DTL: variants seen among roughly 807,000 people sequenced by gnomAD.
The protein encoded by DTL is denticleless E3 ubiquitin protein ligase adapter.
A neutral mutation model predicts 87.0 loss-of-function variants in DTL; 46 were observed. That is an observed-to-expected ratio of 0.53 (90% CI 0.42 to 0.68). The LOEUF (loss-of-function observed/expected upper bound fraction) is 0.68. DTL is among the 30% of genes least tolerant of loss of function. The pLI is 0.00. For synonymous variants in DTL, 308 were observed against 311.2 expected, an observed-to-expected ratio of 0.99 and a Z score of 0.11; for missense variants, 737 against 869.4, an observed-to-expected ratio of 0.85 and a Z score of 1.91.
intron 13 of DTL, among the ~76,000 whole-genome samples, chr1:212,097,407 G>A (rs1244173648): frequency 3.9e-5 from 6 of 152,096 alleles, no homozygotes. Flanking sequence ...AGCAAGGCCA[G>A]AGAAGTTTTT....
In DTL at chr1:212,070,114, A is replaced by G. The variant is rs569719836; in HGVS notation, c.922+1411A>G. ...TTTTCAACATCTTTCCTTGAAAGAT[A>G]AAGCGTGATCCTGATTATATTATCA... On this transcript the variant is annotated intron_variant, in intron 10 of 14. Transcript: ENST00000366991. Among the ~76,000 whole-genome samples, 6 of 152,346 alleles carry G rather than the reference A, an allele frequency of 3.9e-5. No individual in the cohort carries two copies. In the South Asian group the frequency reaches 1.2e-3, roughly 32 times the overall value.
chr1:212,103,126 G>GTA lies in DTL; in HGVS notation c.*190_*191dup, dbSNP rs1333769385. On this transcript the variant is annotated 3_prime_UTR_variant, in exon 15 of 15. Transcript: ENST00000366991. ...CCTAATCTGGTTCTACTACCATAAT[G>GTA]TATATGCAGCTTCCCGAGGATGAAT... 1.3e-5 allele frequency: 5 copies of GTA among 398,060 alleles called. No homozygotes were observed. Among genetic ancestry groups the GTA allele is most frequent in the Non-Finnish European group, 2.2e-5 (5 of 223,430 alleles). 24.7% of individuals were successfully genotyped at this position (398,060 alleles called of 1,614,324 possible). A position where few individuals can be genotyped will look rare whatever the true frequency, so the allele number is the denominator to read the frequency against.
At position 212,094,973 on chromosome 1, in the gene DTL, G is replaced by C. The variant is rs1311841835; in HGVS notation, c.1262-5279G>C. Reference sequence around the variant, plus strand: ...GAAACCTAACAGAATTCATTTATCAGATCTAGGAGCTTTTTGGATGAGTTT... The same window carrying C: ...GAAACCTAACAGAATTCATTTATCACATCTAGGAGCTTTTTGGATGAGTTT... On this transcript the variant is annotated intron_variant, in intron 13 of 14. Transcript: ENST00000366991. Among the ~76,000 whole-genome samples, 3 of 152,150 alleles carry C rather than the reference G, an allele frequency of 2.0e-5. No homozygotes were observed. In the East Asian group the frequency reaches 5.8e-4, roughly 29 times the overall value.
intron 5 of DTL, among the ~76,000 whole-genome samples, chr1:212,059,465 T>A (rs1668274111): frequency 6.6e-6 from 1 of 151,462 alleles, no homozygotes; most frequent in African/African-American, 2.4e-5. Flanking sequence ...TCGATAAAAT[T>A]CAGCATCTCC....
At chr1:212,090,449 T>C (rs1306924746) in intron 13 of DTL, among the ~76,000 whole-genome samples, 1 of 147,330 alleles carries the variant, frequency 6.8e-6, no homozygotes, top group Non-Finnish European at 1.5e-5. Context: ...TTAAAAATTA[T>C]AGTTAACAAT....
chr1:212,082,115 T>A (rs1212566329), intron 13 of DTL, among the ~76,000 whole-genome samples: 1 of 151,904 alleles, frequency 6.6e-6, no homozygotes, highest in Non-Finnish European at 1.5e-5. Context: ...ACTGGGAGAG[T>A]GTTACATCCT....
At chr1:212,099,099 T>A (rs1386323794) in intron 13 of DTL, among the ~76,000 whole-genome samples, 1 of 152,224 alleles carries the variant, frequency 6.6e-6, no homozygotes, top group Non-Finnish European at 1.5e-5. Context: ...CTCTTCCTGC[T>A]GCTGCTTCTA....
chr1:212,037,441 A>G (rs1667516996), intron 1 of DTL, among the ~76,000 whole-genome samples: 2 of 152,188 alleles, frequency 1.3e-5, no homozygotes, highest in South Asian at 4.1e-4. Flanking sequence ...CCACTTCTAC[A>G]TACATACAAC....
At chr1:212,070,051 T>C (rs2102555748) in intron 10 of DTL, among the ~76,000 whole-genome samples, 1 of 152,322 alleles carries the variant, frequency 6.6e-6, no homozygotes, top group South Asian at 2.1e-4. Flanking sequence ...AATCTGAGCT[T>C]GGAGAGCTGC....
In DTL at chr1:212,043,119, G is replaced by T; in HGVS notation, c.178+1G>T. 1 of 1,609,784 alleles carries T rather than the reference G, an allele frequency of 6.2e-7. No individual in the cohort carries two copies. ...CCTTTTGGATGTACCTTCTCTTCTG[G>T]TAAGAGAATTACTATCTAGGCAAGG... On this transcript the variant is annotated splice_donor_variant, in intron 2 of 14. Transcript: ENST00000366991. LOFTEE classifies it high-confidence loss of function.
intron 11 of DTL, 146 bp from the exon 12 acceptor site, chr1:212,078,025 GTT>G (rs5780675): frequency 1.8e-5 from 7 of 395,614 alleles, no homozygotes; most frequent in East Asian, 4.3e-5. Flanking sequence ...GAAATCTGTT[GTT>G]TTTTTTTTCC....
At chr1:212,071,461 A>G (rs1475921747) in intron 10 of DTL, among the ~76,000 whole-genome samples, 3 of 152,188 alleles carry the variant, frequency 2.0e-5, no homozygotes, top group Non-Finnish European at 4.4e-5. Context: ...AGTGCCTTAC[A>G]TATAAACAGT....
At chr1:212,036,757 A>G (rs2102519258) in intron 1 of DTL, among the ~76,000 whole-genome samples, 1 of 152,362 alleles carries the variant, frequency 6.6e-6, no homozygotes, top group South Asian at 2.1e-4. Flanking sequence ...GGTAAGTTTC[A>G]GATAAGGGAG....
chr1:212,068,758 TG>T, intron 10 of DTL, 55 bp downstream of exon 10: 2 of 1,161,302 alleles, frequency 1.7e-6, no homozygotes. Flanking sequence ...GGGCTTTTTT[TG>T]GTAATGATAA....
chr1:212,037,275 A>G (rs1189109985), intron 1 of DTL, among the ~76,000 whole-genome samples: 2 of 152,112 alleles, frequency 1.3e-5, no homozygotes, highest in Non-Finnish European at 2.9e-5. Context: ...TCAAGTACTC[A>G]TTCGTTGTTA....
In DTL at chr1:212,035,936, A is replaced by G; in HGVS notation, c.46A>G (p.Arg16Gly). The change falls in exon 1 of 15, where the codon AGA becomes GGA. Residue 16 changes from arginine (R) to glycine (G), a missense_variant. Physicochemically the swap from Arg to Gly is moderately radical, Grantham distance 125 (BLOSUM62 -2). Transcript: ENST00000366991. ...VLRQPQLGVL[R>G]NGWSSQYPLQ... is the part of the protein sequence containing the mutation. ...CCGCCAGCCCCAGCTTGGCGTCCTGAGAAATGGTGAGTAACGGTCCCAACC... is the reference window on the plus strand; with the variant it reads ...CCGCCAGCCCCAGCTTGGCGTCCTGGGAAATGGTGAGTAACGGTCCCAACC... 1 of 1,614,130 alleles carries G rather than the reference A, an allele frequency of 6.2e-7. No individual in the cohort carries two copies. The highest frequency in any genetic ancestry group is 8.5e-7 in the Non-Finnish European group (1 of 1,179,998).
chr1:212,066,779 A>G (rs1654519015), intron 7 of DTL, 33 bp from the exon 8 acceptor site: 3 of 1,603,062 alleles, frequency 1.9e-6, no homozygotes, highest in African/African-American at 1.3e-5. Flanking sequence ...ATGATGCCCA[A>G]GATAGAATCT....
In DTL at chr1:212,047,193, T is replaced by A; in HGVS notation, c.320T>A (p.Val107Asp). ...AATGCCGTCTTTGACCTGGCCTGGGTTCCTGGTGAACTTAAACTTGTAAGT... is the reference window on the plus strand; with the variant it reads ...AATGCCGTCTTTGACCTGGCCTGGGATCCTGGTGAACTTAAACTTGTAAGT... ...HWNAVFDLAW[V>D]PGELKLVTAA... is the part of the protein sequence containing the mutation. The change falls in exon 4 of 15, where the codon GTT (valine) becomes GAT (aspartate). Residue 107 changes from valine (V) to aspartate (D), a missense_variant. By Grantham distance (152) the Val-to-Asp change is radical. Transcript: ENST00000366991. 6.2e-7 allele frequency: 1 copy of A among 1,614,208 alleles called. No homozygotes were observed. The highest frequency in any genetic ancestry group is 8.5e-7 in the Non-Finnish European group (1 of 1,180,014).
At chr1:212,077,335 C>A (rs1654860509) in intron 11 of DTL, among the ~76,000 whole-genome samples, 2 of 152,086 alleles carry the variant, frequency 1.3e-5, no homozygotes, top group African/African-American at 4.8e-5. Context: ...TAACTGGTGG[C>A]ATCTGATGAT....
Sources: gnomAD v4.1 joint callset for allele counts (sites outside exome capture counted in the v4.1 genomes callset) on GRCh38, gnomAD v4.1.1 for gene constraint, MANE v1.5 for transcripts, NCBI Gene and HGNC (gene_info 2026-07-23, HGNC 2026-07-21) for gene names.